The following MPP7 variants were observed in gnomAD, a reference collection of about 807,000 sequenced individuals.
MPP7 encodes MAGUK p55 subfamily member 7.
A neutral mutation model predicts 76.5 loss-of-function variants in MPP7; 60 were observed. The observed-to-expected ratio is 0.78, with a 90% CI of 0.64 to 0.97. The LOEUF is 0.97. Among genes scored for constraint, MPP7 ranks in the 50% least tolerant of loss-of-function variants. The probability of loss-of-function intolerance (pLI) is 0.00; values close to 1 mark genes in which losing one functional copy is unlikely to be tolerated. For synonymous variants in MPP7, 237 were observed against 244.5 expected (o/e 0.97, Z 0.29); for missense variants, 641 against 694.0 (o/e 0.92, Z 0.86).
chr10:28,177,570 G>C (rs1025920202), intron 3 of MPP7, among the ~76,000 whole-genome samples: 1 of 152,126 alleles, frequency 6.6e-6, no homozygotes, highest in Non-Finnish European at 1.5e-5. Context: ...ATAAGAAAAT[G>C]ATTAAATAAA....
chr10:28,109,131 T>C (rs2133554838), intron 11 of MPP7, among the ~76,000 whole-genome samples: 1 of 152,146 alleles, frequency 6.6e-6, no homozygotes, highest in African/African-American at 2.4e-5. Context: ...CTACTAAAAA[T>C]ACAAAAATAA....
At chr10:28,146,692 T>C (rs1428709959) in intron 5 of MPP7, among the ~76,000 whole-genome samples, 1 of 152,212 alleles carries the variant, frequency 6.6e-6, no homozygotes, top group Non-Finnish European at 1.5e-5. Context: ...AAATTTTCAT[T>C]CAACACTCTA....
At chr10:28,177,528 G>A (rs1368146598) in intron 3 of MPP7, among the ~76,000 whole-genome samples, 2 of 152,018 alleles carry the variant, frequency 1.3e-5, no homozygotes, top group Non-Finnish European at 2.9e-5. Context: ...AATAACCTAA[G>A]AATTGATAAG....
At chr10:28,303,706 G>A (rs1564768062), upstream of MPP7, among the ~76,000 whole-genome samples, 2 of 152,182 alleles carry the variant, frequency 1.3e-5, no homozygotes, top group East Asian at 3.8e-4. Flanking sequence ...GCGGAGAATG[G>A]TAAAGACAAA....
intron 1 of MPP7, among the ~76,000 whole-genome samples, chr10:28,295,533 T>G (rs1383996191): frequency 1.3e-5 from 2 of 151,450 alleles, no homozygotes; most frequent in Non-Finnish European, 2.9e-5. Context: ...ACAACATGAC[T>G]TCAACAGTCT....
At chr10:28,277,756 T>C (rs754747492) in intron 1 of MPP7, among the ~76,000 whole-genome samples, 4 of 151,990 alleles carry the variant, frequency 2.6e-5, no homozygotes, top group Non-Finnish European at 5.9e-5. Flanking sequence ...AGAATGATAG[T>C]GATGAGATTA....
intron 2 of MPP7, among the ~76,000 whole-genome samples, chr10:28,223,187 A>G (rs149228498): frequency 3.3e-4 from 50 of 152,266 alleles, no homozygotes; most frequent in African/African-American, 1.2e-3. Flanking sequence ...ATTTTATAAG[A>G]CCACTGAAAT....
intron 2 of MPP7, among the ~76,000 whole-genome samples, chr10:28,229,664 C>T (rs573833399): frequency 2.6e-5 from 4 of 152,046 alleles, no homozygotes; most frequent in South Asian, 2.1e-4. Flanking sequence ...CCGAGGCAGG[C>T]GGATCATGAG....
chr10:28,099,820 AT>A (rs200226151), intron 11 of MPP7, among the ~76,000 whole-genome samples: 6 of 151,824 alleles, frequency 4.0e-5, no homozygotes, highest in East Asian at 3.9e-4. Flanking sequence ...AAAAAAAAAA[AT>A]AAATAAAAAA....
intron 3 of MPP7, among the ~76,000 whole-genome samples, chr10:28,197,288 T>C (rs1271429019): frequency 1.3e-5 from 2 of 150,918 alleles, no homozygotes; most frequent in African/African-American, 4.9e-5. Context: ...GTTCAAGCAA[T>C]TCTCATGCCT....
chr10:28,185,122 A>G (rs1289687780), intron 3 of MPP7, among the ~76,000 whole-genome samples: 1 of 148,316 alleles, frequency 6.7e-6, no homozygotes, highest in Non-Finnish European at 1.5e-5. Flanking sequence ...TAAGGTCAGG[A>G]GTTCGAGACC....
intron 1 of MPP7, among the ~76,000 whole-genome samples, chr10:28,296,518 A>G (rs921170904): frequency 1.3e-5 from 2 of 152,224 alleles, no homozygotes; most frequent in African/African-American, 4.8e-5. Flanking sequence ...CGTACCAGCT[A>G]GTCTTTAATC....
At chr10:28,058,430 G>T in intron 15 of MPP7, 65 bp downstream of exon 15, 1 of 780,416 alleles carries the variant, frequency 1.3e-6, no homozygotes. Flanking sequence ...ATACTGAAAT[G>T]CTCACATGAG....
At chr10:28,135,268 AG>A (rs1165090634) in intron 5 of MPP7, among the ~76,000 whole-genome samples, 1 of 152,168 alleles carries the variant, frequency 6.6e-6, no homozygotes, top group African/African-American at 2.4e-5. Flanking sequence ...AGAAGAGGAA[AG>A]GGTGGCAGAT....
At chr10:28,282,454 A>AACTGCAAATTTGCT (rs1840701287) in intron 1 of MPP7, among the ~76,000 whole-genome samples, 1 of 152,108 alleles carries the variant, frequency 6.6e-6, no homozygotes, top group African/African-American at 2.4e-5. Context: ...GCCACTGAGC[A>AACTGCAAATTTGCT]ACTGCAAATT....
At chr10:28,117,358 T>C (rs1834694059) in intron 11 of MPP7, among the ~76,000 whole-genome samples, 1 of 152,152 alleles carries the variant, frequency 6.6e-6, no homozygotes, top group Non-Finnish European at 1.5e-5. Flanking sequence ...ATTGACATGA[T>C]AGAATTATTC....
chr10:28,130,503 A>G (rs1211403550), intron 6 of MPP7, among the ~76,000 whole-genome samples: 1 of 152,196 alleles, frequency 6.6e-6, no homozygotes. Flanking sequence ...GCCTTTCCTC[A>G]TGAATCACTT....
rs144134313 is a variant in MPP7, at chr10:28,294,822, T to C, written c.-132+8039A>G. 3.0e-3 allele frequency among the ~76,000 whole-genome samples: 459 copies of C among 152,322 alleles called. 3 individuals carry two copies. Among genetic ancestry groups the C allele is most frequent in the African/African-American group, 0.01 (434 of 41,570 alleles). On this transcript the variant is annotated intron_variant, in intron 1 of 16. Coordinates refer to ENST00000683449, the MANE Select transcript of MPP7 (RefSeq NM_001318170.2). ...TTCTACACATTGGAGCCCACTTACA[T>C]TCACAACAAAATACTATATTATTTC...
At chr10:28,229,596 A>G (rs539110869) in intron 2 of MPP7, among the ~76,000 whole-genome samples, 2 of 152,260 alleles carry the variant, frequency 1.3e-5, no homozygotes, top group East Asian at 3.9e-4. Flanking sequence ...ATAGTATAAA[A>G]CTGTGACAAT....
Sources: gnomAD v4.1 joint callset for allele counts (sites outside exome capture counted in the v4.1 genomes callset) on GRCh38, gnomAD v4.1.1 for gene constraint, MANE v1.5 for transcripts, NCBI Gene and HGNC (gene_info 2026-07-23, HGNC 2026-07-21) for gene names.